SPECC1: variants seen among roughly 807,000 people sequenced by gnomAD.
The protein encoded by SPECC1 is cytospin-B.
A neutral mutation model predicts 104.1 loss-of-function variants in SPECC1; 62 were observed. That is an observed-to-expected ratio of 0.60 (90% CI 0.49 to 0.74). The LOEUF is 0.74. SPECC1 is among the 30% of genes least tolerant of loss of function. The pLI is 0.00. For missense variants in SPECC1, 1,306 were observed against 1,310.5 expected (o/e 1.00, Z 0.05); for synonymous variants, 513 against 501.6 (o/e 1.02, Z -0.30).
At chr17:20,208,818 T>G (rs2036950408) in intron 4 of SPECC1, among the ~76,000 whole-genome samples, 2 of 152,228 alleles carry the variant, frequency 1.3e-5, no homozygotes, top group African/African-American at 4.8e-5. Context: ...GGTTTATTTT[T>G]AGAGACAGGT....
chr17:20,249,640 T>A (rs2039549559), intron 9 of SPECC1, among the ~76,000 whole-genome samples: 1 of 152,160 alleles, frequency 6.6e-6, no homozygotes, highest in African/African-American at 2.4e-5. Context: ...AAGAATCTGT[T>A]AGAGATTTTA....
At position 20,063,453 on chromosome 17, in the gene SPECC1, G is replaced by C. The variant is rs8070600; in HGVS notation, c.-21-33178G>C. On this transcript the variant is annotated intron_variant, in intron 1 of 14. Coordinates refer to ENST00000395527, the MANE Select transcript of SPECC1 (RefSeq NM_001243439.2). ...TTAGATTTGCCAGAGGTTCTATCTT[G>C]TTAGTCCTTTCAAAGCATCAGCTTT... Among the ~76,000 whole-genome samples the C allele has an allele frequency of 7.7e-3, 1,165 of 152,242 alleles. 20 individuals carry two copies. The highest frequency in any genetic ancestry group is 0.026 in the African/African-American group (1,075 of 41,532).
intron 2 of SPECC1, among the ~76,000 whole-genome samples, chr17:20,104,046 G>A (rs1427248819): frequency 1.3e-5 from 2 of 152,124 alleles, no homozygotes; most frequent in African/African-American, 4.8e-5. Context: ...CTATGTTTGT[G>A]GAATGAATAT....
chr17:20,192,867 T>C (rs2035763619), intron 3 of SPECC1, among the ~76,000 whole-genome samples: 1 of 152,214 alleles, frequency 6.6e-6, no homozygotes, highest in Non-Finnish European at 1.5e-5. Flanking sequence ...TTTGTGACTA[T>C]TTTTGTTACA....
intron 8 of SPECC1, 123 bp from the exon 9 acceptor site, chr17:20,247,096 A>T: frequency 1.5e-6 from 1 of 660,328 alleles, no homozygotes; most frequent in Non-Finnish European, 2.5e-6. Context: ...ATAATAGAGT[A>T]AATATTACAC....
intron 12 of SPECC1, among the ~76,000 whole-genome samples, chr17:20,286,267 C>T (rs1047696467): frequency 4.6e-5 from 7 of 152,174 alleles, no homozygotes; most frequent in Non-Finnish European, 1.0e-4. Flanking sequence ...CCGTTTTATT[C>T]AGGGATGAAT....
At chr17:20,140,771 A>C (rs2030678652) in intron 3 of SPECC1, among the ~76,000 whole-genome samples, 1 of 152,218 alleles carries the variant, frequency 6.6e-6, no homozygotes, top group Admixed American at 6.5e-5. Flanking sequence ...AATGTTCAGT[A>C]GAGAGTGCAT....
At chr17:20,074,248 T>C (rs1231229102) in intron 1 of SPECC1, among the ~76,000 whole-genome samples, 1 of 152,140 alleles carries the variant, frequency 6.6e-6, no homozygotes, top group Non-Finnish European at 1.5e-5. Context: ...GGTCTGATAA[T>C]GTCGCAATGC....
At chr17:20,221,598 AC>A (rs1385411141) in intron 4 of SPECC1, among the ~76,000 whole-genome samples, 1 of 151,940 alleles carries the variant, frequency 6.6e-6, no homozygotes, top group African/African-American at 2.4e-5. Context: ...CTTTTCAAAA[AC>A]CAACTTTTTG....
At chr17:20,041,076 ATT>A (rs1308566073) in intron 1 of SPECC1, among the ~76,000 whole-genome samples, 2 of 136,806 alleles carry the variant, frequency 1.5e-5, no homozygotes, top group Non-Finnish European at 3.2e-5. Context: ...TTTCTTCTTT[ATT>A]TTTTGGCCAG....
At chr17:20,128,420 C>A (rs1188931522) in intron 3 of SPECC1, among the ~76,000 whole-genome samples, 1 of 152,190 alleles carries the variant, frequency 6.6e-6, no homozygotes, top group Admixed American at 6.5e-5. Context: ...GTATTTATAA[C>A]TGTGTTCTCC....
intron 7 of SPECC1, among the ~76,000 whole-genome samples, chr17:20,242,601 A>AT (rs531977189): frequency 6.6e-6 from 1 of 152,216 alleles, no homozygotes; most frequent in East Asian, 1.9e-4. Context: ...ACTTGGTAGT[A>AT]TTTTTTAAAT....
chr17:20,127,489 C>A (rs959910847), intron 3 of SPECC1, among the ~76,000 whole-genome samples: 1 of 133,522 alleles, frequency 7.5e-6, no homozygotes, highest in African/African-American at 2.8e-5. Flanking sequence ...TTTGCCCAGG[C>A]TGAAGTGTAG....
chr17:20,171,933 G>A (rs1375168813), intron 3 of SPECC1, among the ~76,000 whole-genome samples: 1 of 152,136 alleles, frequency 6.6e-6, no homozygotes, highest in African/African-American at 2.4e-5. Flanking sequence ...CTGGAGACTG[G>A]TAGCCAAACC....
chr17:20,162,421 C>T (rs536878635), intron 3 of SPECC1, among the ~76,000 whole-genome samples: 1 of 152,252 alleles, frequency 6.6e-6, no homozygotes, highest in African/African-American at 2.4e-5. Context: ...GCTGGGATTA[C>T]AGACGTGAGC....
intron 1 of SPECC1, among the ~76,000 whole-genome samples, chr17:20,028,225 G>A (rs1294794761): frequency 1.4e-5 from 2 of 146,060 alleles, no homozygotes; most frequent in Non-Finnish European, 3.0e-5. Flanking sequence ...GGTGGCTGAT[G>A]CCTATAATCG....
intron 12 of SPECC1, among the ~76,000 whole-genome samples, chr17:20,277,413 T>TAAATG (rs1036711024): frequency 6.6e-6 from 1 of 152,222 alleles, no homozygotes; most frequent in African/African-American, 2.4e-5. Flanking sequence ...ATGATGCTGC[T>TAAATG]AAATGAAAGT....
intron 7 of SPECC1, chr17:20,238,894 G>A (rs1026420719): frequency 1.8e-4 from 188 of 1,042,306 alleles, no homozygotes; most frequent in Middle Eastern, 4.4e-4. Flanking sequence ...ATATAGAAGC[G>A]TCTGCTGCTT....
chr17:20,082,008 CAG>C (rs1292268051), intron 1 of SPECC1, among the ~76,000 whole-genome samples: 1 of 152,218 alleles, frequency 6.6e-6, no homozygotes, highest in Non-Finnish European at 1.5e-5. Flanking sequence ...CCAGTCAAGA[CAG>C]GGAAAAGGCA....
Sources: allele counts gnomAD v4.1 joint callset (sites outside exome capture counted in the v4.1 genomes callset), GRCh38; gene constraint gnomAD v4.1.1; transcripts MANE v1.5; gene names NCBI Gene and HGNC (gene_info 2026-07-23, HGNC 2026-07-21).